FMN1: variants seen among roughly 807,000 people sequenced by gnomAD.
The protein encoded by FMN1 is formin-1.
FMN1 carries 110 observed loss-of-function variants against 132.4 expected under a neutral mutation model. The ratio of observed to expected loss-of-function variants is 0.83; its 90% CI spans 0.71 to 0.97. FMN1 has a LOEUF of 0.97. FMN1 is among the 50% of genes least tolerant of loss of function. The pLI, the probability that FMN1 is intolerant of heterozygous loss-of-function variation, is 0.00. For synonymous variants in FMN1, 722 were observed against 651.7 expected, an observed-to-expected ratio of 1.11 and a Z score of -1.64; for missense variants, 1,792 against 1,705.3, an observed-to-expected ratio of 1.05 and a Z score of -0.90.
At chr15:33,016,440 T>C (rs345829) in intron 6 of FMN1, among the ~76,000 whole-genome samples, 15,231 of 152,256 alleles carry the variant, frequency 0.1, 946 homozygotes, top group Middle Eastern at 0.16. Flanking sequence ...GAGTCCTCTG[T>C]TTCCCTTCCA....
chr15:33,152,931 A>C, intron 4 of FMN1, 117 bp downstream of exon 4: 1 of 1,017,250 alleles, frequency 9.8e-7, no homozygotes, highest in East Asian at 2.6e-5. Context: ...AAAGTGAAGT[A>C]ATAGGCCTAG....
intron 4 of FMN1, among the ~76,000 whole-genome samples, chr15:33,147,792 T>C (rs1964285666): frequency 6.6e-6 from 1 of 152,236 alleles, no homozygotes; most frequent in African/African-American, 2.4e-5. Context: ...ATTTCGTATT[T>C]CACATGCCAA....
chr15:32,822,365 C>A (rs1216250750), intron 17 of FMN1, among the ~76,000 whole-genome samples: 5 of 151,984 alleles, frequency 3.3e-5, no homozygotes, highest in African/African-American at 1.2e-4. Context: ...AACAAACAAA[C>A]AAAAAAGATG....
chr15:33,066,316 G>C (rs1369403091), intron 5 of FMN1, among the ~76,000 whole-genome samples: 2 of 152,092 alleles, frequency 1.3e-5, no homozygotes, highest in African/African-American at 4.8e-5. Context: ...CAATATTCCA[G>C]ATAAAAATCA....
intron 4 of FMN1, among the ~76,000 whole-genome samples, chr15:33,102,554 C>G (rs2039334909): frequency 6.6e-6 from 1 of 152,038 alleles, no homozygotes; most frequent in Admixed American, 6.6e-5. Flanking sequence ...CTCCTTCTCC[C>G]TGTCTTCTCT....
intron 19 of FMN1, among the ~76,000 whole-genome samples, chr15:32,783,289 CT>C (rs2140902215): frequency 6.6e-6 from 1 of 152,284 alleles, no homozygotes; most frequent in East Asian, 1.9e-4. Context: ...AAAACTTTAT[CT>C]TTTCCTCTTT....
intron 10 of FMN1, among the ~76,000 whole-genome samples, chr15:32,917,158 C>T (rs1054204470): frequency 6.6e-6 from 1 of 152,150 alleles, no homozygotes; most frequent in Admixed American, 6.6e-5. Context: ...GAAGGGGAGC[C>T]AGTAGAGAGG....
intron 7 of FMN1, among the ~76,000 whole-genome samples, chr15:32,976,400 T>C (rs376328685): frequency 4.1e-4 from 62 of 152,290 alleles, no homozygotes; most frequent in African/African-American, 1.3e-3. Context: ...GCTTTGGACA[T>C]GCATACGAGT....
intron 4 of FMN1, among the ~76,000 whole-genome samples, chr15:33,137,601 T>G (rs1034368233): frequency 6.6e-6 from 1 of 152,200 alleles, no homozygotes; most frequent in African/African-American, 2.4e-5. Flanking sequence ...TGATTTTTAT[T>G]CAGATTCCAT....
intron 4 of FMN1, among the ~76,000 whole-genome samples, chr15:33,120,070 T>C (rs1057252860): frequency 6.6e-6 from 1 of 151,910 alleles, no homozygotes; most frequent in South Asian, 2.1e-4. Flanking sequence ...TGACTCAATT[T>C]GAGGTTACAA....
At chr15:33,091,413 A>T (rs922632032) in intron 4 of FMN1, among the ~76,000 whole-genome samples, 1 of 152,060 alleles carries the variant, frequency 6.6e-6, no homozygotes, top group East Asian at 1.9e-4. Flanking sequence ...TCAAGGTGAA[A>T]GTTATCTTCT....
chr15:33,188,923 A>G (rs964661984), intron 2 of FMN1, among the ~76,000 whole-genome samples: 3 of 152,186 alleles, frequency 2.0e-5, no homozygotes, highest in African/African-American at 7.2e-5. Flanking sequence ...CTAGAAAAAT[A>G]TCTTGTCACT....
rs1476637207 is a variant in FMN1, at chr15:33,154,403, G to T, written c.512C>A (p.Ala171Asp). 5.2e-6 allele frequency: 8 copies of T among 1,535,924 alleles called. No individual in the cohort carries two copies. Among genetic ancestry groups the T allele is most frequent in the Non-Finnish European group, 7.0e-6 (8 of 1,146,908 alleles). Residue 171 changes from alanine (A) to aspartate (D), a missense_variant, in exon 4 of 21, where the codon GCC becomes GAC. Transcript: ENST00000616417. ...RSSGRRESFG[A>D]LPQKRTKRKG... ...TCTTTTGGTCCTCTTCTGTGGAAGG[G>T]CCCCAAAGCTCTCTCTCCTTCCACT...
chr15:33,155,812 G>T (rs2140289818), intron 3 of FMN1, among the ~76,000 whole-genome samples: 1 of 152,222 alleles, frequency 6.6e-6, no homozygotes, highest in South Asian at 2.1e-4. Flanking sequence ...CACAGAAACG[G>T]CTGAAATGTC....
At chr15:32,980,032 G>A (rs970545449) in intron 7 of FMN1, among the ~76,000 whole-genome samples, 2 of 152,078 alleles carry the variant, frequency 1.3e-5, no homozygotes, top group Admixed American at 1.3e-4. Flanking sequence ...TGGGTTTTAC[G>A]TTATAGGCAA....
intron 20 of FMN1, among the ~76,000 whole-genome samples, chr15:32,775,398 C>T (rs1323246511): frequency 6.6e-6 from 1 of 152,082 alleles, no homozygotes; most frequent in Non-Finnish European, 1.5e-5. Flanking sequence ...GTCGTAAACC[C>T]ACTGTTTCCC....
At chr15:32,803,667 T>A in intron 18 of FMN1, among the ~76,000 whole-genome samples, 1 of 152,140 alleles carries the variant, frequency 6.6e-6, no homozygotes, top group East Asian at 1.9e-4. Context: ...TATCCTCCTC[T>A]AGAAGCTGAG....
intron 9 of FMN1, among the ~76,000 whole-genome samples, chr15:32,957,185 A>G: frequency 6.6e-6 from 1 of 151,996 alleles, no homozygotes; most frequent in East Asian, 1.9e-4. Context: ...ATGATTTATA[A>G]TTTAGTCAGA....
intron 3 of FMN1, among the ~76,000 whole-genome samples, chr15:33,166,324 CTT>C (rs112939787): frequency 6.9e-6 from 1 of 144,232 alleles, no homozygotes. Flanking sequence ...TTTTCTTTTT[CTT>C]TTTTTTTTTT....
Sources: allele counts gnomAD v4.1 joint callset (sites outside exome capture counted in the v4.1 genomes callset), GRCh38; gene constraint gnomAD v4.1.1; transcripts MANE v1.5; gene names NCBI Gene and HGNC (gene_info 2026-07-23, HGNC 2026-07-21).